SLC8A1: variants seen among roughly 807,000 people sequenced by gnomAD.
SLC8A1 encodes sodium/calcium exchanger 1.
Under a neutral mutation model 68.3 loss-of-function variants are expected in SLC8A1, and 18 were observed. That is an observed-to-expected ratio of 0.26 (90% CI 0.18 to 0.39). The LOEUF (loss-of-function observed/expected upper bound fraction) is 0.39. SLC8A1 is among the 10% of genes least tolerant of loss of function. The pLI, the probability that SLC8A1 is intolerant of heterozygous loss-of-function variation, is 1.00. For missense variants in SLC8A1, 985 were observed against 1,156.7 expected (o/e 0.85, Z 2.15); for synonymous variants, 475 against 415.5 (o/e 1.14, Z -1.74).
chr2:40,366,535 C>A (rs897214744), intron 2 of SLC8A1, among the ~76,000 whole-genome samples: 1 of 152,032 alleles, frequency 6.6e-6, no homozygotes. Flanking sequence ...TGTTCTCTAA[C>A]TTTATCCTCA....
At chr2:40,245,656 T>G (rs1276868312) in intron 2 of SLC8A1, among the ~76,000 whole-genome samples, 1 of 152,230 alleles carries the variant, frequency 6.6e-6, no homozygotes, top group Non-Finnish European at 1.5e-5. Flanking sequence ...TATTGTCATT[T>G]TGTTTTATAT....
At chr2:40,476,987 A>AT (rs922363500) in intron 1 of SLC8A1, among the ~76,000 whole-genome samples, 1 of 151,968 alleles carries the variant, frequency 6.6e-6, no homozygotes, top group Non-Finnish European at 1.5e-5. Flanking sequence ...GAGTTATTGG[A>AT]TTTTCTCTAA....
intron 2 of SLC8A1, among the ~76,000 whole-genome samples, chr2:40,386,548 G>GGCCGGGCACGTTGGCTCACGCCTGT (rs1575951711): frequency 6.8e-6 from 1 of 146,728 alleles, no homozygotes; most frequent in Non-Finnish European, 1.5e-5. Context: ...AAGAGATAAT[G>GGCCGGGCACGTTGGCTCACGCCTGT]AATAATGGGA....
exon 2 of SLC8A1, chr2:40,430,132 G>C (rs762666688): frequency 6.2e-7 from 1 of 1,613,646 alleles, no homozygotes; most frequent in Non-Finnish European, 8.5e-7. Flanking sequence ...ATATGATCCA[G>C]TACATTCACC....
chr2:40,447,929 G>T (rs932510969), intron 1 of SLC8A1, among the ~76,000 whole-genome samples: 10 of 152,112 alleles, frequency 6.6e-5, no homozygotes, highest in African/African-American at 2.4e-4. Context: ...GAAGTTTCAG[G>T]TAAGGTGGAA....
intron 1 of SLC8A1, chr2:40,446,408 C>T (rs1460380524): frequency 6.6e-6 from 1 of 152,212 alleles, no homozygotes; most frequent in Non-Finnish European, 1.5e-5. Context: ...CATTTCTCCA[C>T]GGTTACCTTG....
At chr2:40,250,977 G>C (rs774617616) in intron 2 of SLC8A1, 7 of 152,160 alleles carry the variant, frequency 4.6e-5, no homozygotes, top group Non-Finnish European at 7.3e-5. Flanking sequence ...TCAAATGAAG[G>C]CGTCGGGGGA....
intron 1 of SLC8A1, among the ~76,000 whole-genome samples, chr2:40,497,516 A>G (rs895102301): frequency 2.6e-5 from 4 of 151,950 alleles, no homozygotes; most frequent in African/African-American, 9.7e-5. Flanking sequence ...GGTAAGGGGG[A>G]GTTGAGCCTC....
At chr2:40,460,924 G>C (rs957061271) in intron 1 of SLC8A1, among the ~76,000 whole-genome samples, 2 of 152,062 alleles carry the variant, frequency 1.3e-5, no homozygotes, top group Non-Finnish European at 2.9e-5. Context: ...ACTTTATGAA[G>C]GTAAATCTTG....
chr2:40,342,195 G>T (rs990256916), intron 2 of SLC8A1, among the ~76,000 whole-genome samples: 10 of 151,968 alleles, frequency 6.6e-5, no homozygotes, highest in African/African-American at 2.4e-4. Flanking sequence ...TTAGTTTATG[G>T]CCCTATAGAT....
chr2:40,276,869 A>G (rs1209473634), intron 2 of SLC8A1, among the ~76,000 whole-genome samples: 1 of 152,232 alleles, frequency 6.6e-6, no homozygotes, highest in Non-Finnish European at 1.5e-5. Flanking sequence ...GACAAGGCCC[A>G]ACTTACATTC....
intron 2 of SLC8A1, among the ~76,000 whole-genome samples, chr2:40,394,750 TA>T (rs71406060): frequency 6.6e-6 from 1 of 151,356 alleles, no homozygotes; most frequent in African/African-American, 2.4e-5. Flanking sequence ...CCTCCTTCTT[TA>T]AAAAAAAATT....
chr2:40,174,779 A>G, intron 4 of SLC8A1, 46 bp downstream of exon 5: 1 of 1,597,838 alleles, frequency 6.3e-7, no homozygotes, highest in South Asian at 1.1e-5. Flanking sequence ...ATCTGGTGAG[A>G]ACAGACAGTA....
intron 1 of SLC8A1, chr2:40,512,212 A>G (rs1472261667): frequency 6.7e-6 from 1 of 149,236 alleles, no homozygotes; most frequent in Non-Finnish European, 1.5e-5. Flanking sequence ...CACTAGCTCC[A>G]ACCTATTTTT....
chr2:40,130,755 C>A (rs2039156355), intron 7 of SLC8A1, among the ~76,000 whole-genome samples: 1 of 152,146 alleles, frequency 6.6e-6, no homozygotes, highest in Admixed American at 6.5e-5. Flanking sequence ...ATGTAGCCAT[C>A]CAATTAAATA....
chr2:40,251,563 T>C (rs2062753850), intron 2 of SLC8A1: 2 of 152,162 alleles, frequency 1.3e-5, no homozygotes, highest in African/African-American at 4.8e-5. Flanking sequence ...GGCCTGTGCA[T>C]TGTCTCATGA....
chr2:40,469,083 G>T lies in SLC8A1; in HGVS notation c.-24-38779C>A, dbSNP rs568956719. Among the ~76,000 whole-genome samples, 4 of 152,164 alleles carry T rather than the reference G, an allele frequency of 2.6e-5. No homozygotes were observed. The South Asian group carries it at 6.2e-4, about 24-fold the overall frequency. On this transcript the variant is annotated intron_variant, in intron 1 of 7. Coordinates refer to the SLC8A1 transcript ENST00000402441. ...ATAATAATTCCATAATCTCATCAAA[G>T]ATCCCTGATGGTCTCATTAACAGTG...
intron 2 of SLC8A1, among the ~76,000 whole-genome samples, chr2:40,333,791 A>G (rs1575485531): frequency 6.6e-6 from 1 of 152,012 alleles, no homozygotes; most frequent in Non-Finnish European, 1.5e-5. Flanking sequence ...AGCTCACGCC[A>G]GTAATCCCAG....
intron 2 of SLC8A1, among the ~76,000 whole-genome samples, chr2:40,320,702 CAGG>C (rs1272212603): frequency 1.3e-5 from 2 of 152,146 alleles, no homozygotes; most frequent in African/African-American, 2.4e-5. Context: ...TCATGGAACA[CAGG>C]AGATCATATT....
Sources: allele counts gnomAD v4.1 joint callset (sites outside exome capture counted in the v4.1 genomes callset), GRCh38; gene constraint gnomAD v4.1.1; transcripts MANE v1.5; gene names NCBI Gene and HGNC (gene_info 2026-07-23, HGNC 2026-07-21).